PTPRD: variants seen among roughly 807,000 people sequenced by gnomAD.
The protein encoded by PTPRD is protein tyrosine phosphatase receptor type D.
In PTPRD, 34 loss-of-function variants were observed where a neutral mutation model predicts 214.5. The ratio of observed to expected loss-of-function variants is 0.16; its 90% CI spans 0.12 to 0.21. The LOEUF is 0.21. PTPRD is among the 10% of genes least tolerant of loss of function. The pLI, the probability that PTPRD is intolerant of heterozygous loss-of-function variation, is 1.00. For synonymous variants in PTPRD, 1,128 were observed against 845.7 expected (o/e 1.33, Z -5.79); for missense variants, 2,545 against 2,398.7 (o/e 1.06, Z -1.27).
In PTPRD at chr9:8,492,967, A is replaced by C; in HGVS notation, c.2362T>G (p.Ser788Ala). The part of the protein sequence containing the change: ...DDTTEHDMII[S>A]GLQPETSYSL... Reference sequence around the variant, plus strand: ...TAGGAAGTTTCAGGCTGGAGCCCAGAAATGATCATGTCCTGAAATGACAAA... The same window carrying C: ...TAGGAAGTTTCAGGCTGGAGCCCAGCAATGATCATGTCCTGAAATGACAAA... Residue 788 changes from serine (S) to alanine (A), a missense_variant, in exon 27 of 46, where the codon TCT (serine) becomes GCT (alanine). Transcript: ENST00000381196. The C allele has an allele frequency of 6.2e-7, 1 of 1,612,916 alleles. No homozygotes were observed. Among genetic ancestry groups the C allele is most frequent in the Non-Finnish European group, 8.5e-7 (1 of 1,178,976 alleles).
chr9:9,990,567 G>A (rs2095876736), intron 4 of PTPRD, among the ~76,000 whole-genome samples: 1 of 152,184 alleles, frequency 6.6e-6, no homozygotes, highest in African/African-American at 2.4e-5. Context: ...CCAGGTCCTA[G>A]GGAAATCTCA....
intron 39 of PTPRD, among the ~76,000 whole-genome samples, chr9:8,348,009 A>C (rs960273688): frequency 5.9e-5 from 9 of 152,152 alleles, no homozygotes; most frequent in Admixed American, 2.0e-4. Flanking sequence ...CTGTTTGCTA[A>C]ATAAAGAGGG....
At chr9:8,934,680 T>C (rs1184369697) in intron 11 of PTPRD, among the ~76,000 whole-genome samples, 3 of 150,084 alleles carry the variant, frequency 2.0e-5, no homozygotes, top group Non-Finnish European at 3.0e-5. Flanking sequence ...TATTATTAAC[T>C]ATAGTCGCCA....
intron 3 of PTPRD, among the ~76,000 whole-genome samples, chr9:10,335,751 G>C (rs1440840980): frequency 1.3e-5 from 2 of 151,480 alleles, no homozygotes; most frequent in African/African-American, 2.4e-5. Context: ...TAAACAATAA[G>C]AAACAAACAA....
intron 33 of PTPRD, among the ~76,000 whole-genome samples, chr9:8,457,723 TCAA>T (rs1420347975): frequency 7.2e-5 from 11 of 152,078 alleles, no homozygotes; most frequent in African/African-American, 2.4e-4. Flanking sequence ...ATAATGTGAG[TCAA>T]CAACGTTTTA....
At chr9:9,978,638 G>A (rs1196668973) in intron 4 of PTPRD, among the ~76,000 whole-genome samples, 1 of 152,002 alleles carries the variant, frequency 6.6e-6, no homozygotes, top group Non-Finnish European at 1.5e-5. Flanking sequence ...CAGAACAAAT[G>A]CACGCATGCA....
intron 11 of PTPRD, among the ~76,000 whole-genome samples, chr9:8,736,680 T>C (rs1311016754): frequency 6.6e-6 from 1 of 151,978 alleles, no homozygotes; most frequent in Non-Finnish European, 1.5e-5. Context: ...GGAATCACTC[T>C]ACCATTCTAT....
intron 2 of PTPRD, among the ~76,000 whole-genome samples, chr9:10,601,482 C>T (rs1042301745): frequency 6.6e-6 from 1 of 151,694 alleles, no homozygotes; most frequent in East Asian, 1.9e-4. Context: ...GGACTTACTA[C>T]ATCTGTTTGT....
chr9:9,759,904 T>C (rs2098636267), intron 6 of PTPRD, among the ~76,000 whole-genome samples: 1 of 152,132 alleles, frequency 6.6e-6, no homozygotes, highest in Non-Finnish European at 1.5e-5. Flanking sequence ...CTGGATCTCC[T>C]CTGTAAACAA....
At chr9:8,886,202 T>G (rs2098486068) in intron 11 of PTPRD, among the ~76,000 whole-genome samples, 2 of 152,150 alleles carry the variant, frequency 1.3e-5, no homozygotes, top group South Asian at 2.1e-4. Context: ...GAGGGCTGAT[T>G]GAAATTTTTG....
chr9:8,763,679 A>C (rs779972081), intron 11 of PTPRD, among the ~76,000 whole-genome samples: 13 of 151,780 alleles, frequency 8.6e-5, no homozygotes, highest in Admixed American at 2.6e-4. Flanking sequence ...CTAAAACAAA[A>C]AAAAAAAAGG....
chr9:10,041,143 T>G (rs185822894), intron 3 of PTPRD, among the ~76,000 whole-genome samples: 4 of 152,182 alleles, frequency 2.6e-5, no homozygotes, highest in African/African-American at 9.6e-5. Context: ...CATTATGCAG[T>G]AGTGAAAGAA....
chr9:9,630,641 A>G (rs1265110170), intron 7 of PTPRD, among the ~76,000 whole-genome samples: 2 of 152,232 alleles, frequency 1.3e-5, no homozygotes, highest in Non-Finnish European at 2.9e-5. Context: ...GAGAGTCAGT[A>G]TGCAAAATCC....
chr9:10,018,791 C>T (rs1438432672), intron 4 of PTPRD, among the ~76,000 whole-genome samples: 16 of 151,588 alleles, frequency 1.1e-4, no homozygotes, highest in African/African-American at 7.3e-5. Flanking sequence ...CCTCGTGATC[C>T]GCCCGCCTCG....
rs113770306 is a variant in PTPRD, at chr9:8,409,572, C to A, written c.4087-4912G>T. Among the ~76,000 whole-genome samples the A allele has an allele frequency of 9.4e-4, 143 of 152,148 alleles. 1 individual carries two copies. The highest frequency in any genetic ancestry group is 5.0e-4 in the Non-Finnish European group (34 of 68,032). ...AAATTATATCCTGATATGGGAGTAA[C>A]CTTTTTCAATAATGCTGAAGTCATT... On this transcript the variant is annotated intron_variant, in intron 35 of 45. Transcript: ENST00000381196.
At chr9:10,318,869 G>T (rs536766546) in intron 3 of PTPRD, among the ~76,000 whole-genome samples, 1 of 152,158 alleles carries the variant, frequency 6.6e-6, no homozygotes, top group South Asian at 2.1e-4. Flanking sequence ...TTCCTTGTCA[G>T]GCATTGAGCA....
At chr9:9,650,512 G>C (rs2096309730) in intron 7 of PTPRD, among the ~76,000 whole-genome samples, 1 of 152,098 alleles carries the variant, frequency 6.6e-6, no homozygotes, top group Non-Finnish European at 1.5e-5. Flanking sequence ...ATAATGCCCT[G>C]AAATTTTCTT....
chr9:9,144,103 A>G (rs1384605160), intron 10 of PTPRD, among the ~76,000 whole-genome samples: 1 of 152,234 alleles, frequency 6.6e-6, no homozygotes, highest in African/African-American at 2.4e-5. Flanking sequence ...TTCTTTCATT[A>G]CAGATCCATA....
intron 10 of PTPRD, among the ~76,000 whole-genome samples, chr9:9,182,284 G>A (rs1434822592): frequency 6.6e-6 from 1 of 151,954 alleles, no homozygotes; most frequent in Non-Finnish European, 1.5e-5. Context: ...TTTTCTTAGA[G>A]TCATAAGATA....
Sources: gnomAD v4.1 joint callset for allele counts (sites outside exome capture counted in the v4.1 genomes callset) on GRCh38, gnomAD v4.1.1 for gene constraint, MANE v1.5 for transcripts, NCBI Gene and HGNC (gene_info 2026-07-23, HGNC 2026-07-21) for gene names.